F13A1: variants seen among roughly 807,000 people sequenced by gnomAD.
The protein encoded by F13A1 is FSF, A subunit.
A neutral mutation model predicts 80.1 loss-of-function variants in F13A1; 47 were observed. The ratio of observed to expected loss-of-function variants is 0.59; its 90% CI spans 0.46 to 0.75. F13A1 has a LOEUF of 0.75. Ranked by LOEUF, F13A1 falls within the 30% of genes least tolerant of loss-of-function variation. The probability of loss-of-function intolerance (pLI) is 0.00; values close to 1 mark genes in which losing one functional copy is unlikely to be tolerated. For synonymous variants in F13A1, 349 were observed against 344.9 expected (o/e 1.01, Z -0.13); for missense variants, 817 against 930.4 (o/e 0.88, Z 1.59).
rs1272979690 is a variant in F13A1 at position 6,316,105 on chromosome 6, A to G, written c.130+2430T>C. Among the ~76,000 whole-genome samples the G allele has an allele frequency of 2.8e-4, 11 of 39,692 alleles. 1 individual carries two copies. Among genetic ancestry groups the G allele is most frequent in the South Asian group, 1.6e-3 (2 of 1,216 alleles). 26.0% of individuals were successfully genotyped at this position (39,692 alleles called of 152,430 possible). ...TATATATATATATATATATATATAT[A>G]TATATATATATATATATATATATAT... On this transcript the variant is annotated intron_variant, in intron 2 of 14. Coordinates refer to ENST00000264870, the MANE Select transcript of F13A1 (RefSeq NM_000129.4).
Position 6,145,447 on chromosome 6 carries a change from G to A in F13A1, c.*172C>T. ...ACTAACTTCCTTGCCGAATAGCCTG[G>A]GTTTGGAAAAGCATGTTTTTGAAAT... On this transcript the variant is annotated 3_prime_UTR_variant, in exon 15 of 15. Coordinates refer to ENST00000264870, the MANE Select transcript of F13A1 (RefSeq NM_000129.4). 3.8e-6 allele frequency: 3 copies of A among 787,044 alleles called. No individual in the cohort carries two copies. The highest frequency in any genetic ancestry group is 4.3e-6 in the Non-Finnish European group (2 of 468,156). The allele number at this position is 787,044 out of a possible 1,614,324, so 48.8% of individuals were successfully genotyped here.
intron 8 of F13A1, among the ~76,000 whole-genome samples, chr6:6,208,820 A>G (rs1023585768): frequency 1.3e-5 from 2 of 152,112 alleles, no homozygotes; most frequent in African/African-American, 4.8e-5. Context: ...TACTTCATAC[A>G]TACATAAAAA....
chr6:6,240,933 G>T (rs1401498896), intron 6 of F13A1, among the ~76,000 whole-genome samples: 1 of 152,042 alleles, frequency 6.6e-6, no homozygotes, highest in Non-Finnish European at 1.5e-5. Context: ...TCTTTTTAGA[G>T]TTGGTAATTT....
At chr6:6,252,072 G>A (rs1423187013) in intron 4 of F13A1, among the ~76,000 whole-genome samples, 1 of 152,078 alleles carries the variant, frequency 6.6e-6, no homozygotes, top group African/African-American at 2.4e-5. Context: ...ATCCCACAGT[G>A]GTTAGAGAAA....
intron 3 of F13A1, among the ~76,000 whole-genome samples, chr6:6,269,503 A>T (rs1757891976): frequency 6.6e-6 from 1 of 152,098 alleles, no homozygotes; most frequent in Non-Finnish European, 1.5e-5. Flanking sequence ...AAAAAAGAAA[A>T]AAAAAAGGGT....
chr6:6,181,004 T>C (rs1157625597), intron 11 of F13A1, among the ~76,000 whole-genome samples: 1 of 152,240 alleles, frequency 6.6e-6, no homozygotes, highest in Non-Finnish European at 1.5e-5. Flanking sequence ...CAAAATATGT[T>C]GCATGTTCCC....
intron 8 of F13A1, among the ~76,000 whole-genome samples, chr6:6,201,519 A>T (rs1761393525): frequency 1.3e-5 from 2 of 152,126 alleles, no homozygotes; most frequent in Non-Finnish European, 2.9e-5. Flanking sequence ...AGCCATGGGG[A>T]TCTCTTTCAC....
intron 4 of F13A1, among the ~76,000 whole-genome samples, chr6:6,252,004 CAG>C (rs2113104015): frequency 6.6e-6 from 1 of 152,126 alleles, no homozygotes; most frequent in South Asian, 2.1e-4. Context: ...CTGAATCTGA[CAG>C]AGTCTGTAGA....
At chr6:6,239,996 A>G (rs562787501) in intron 6 of F13A1, among the ~76,000 whole-genome samples, 61 of 152,238 alleles carry the variant, frequency 4.0e-4, no homozygotes, top group Non-Finnish European at 6.6e-4. Flanking sequence ...CTCCTTTGCT[A>G]TCCATCTATC....
chr6:6,191,736 T>C (rs775532018), intron 10 of F13A1, among the ~76,000 whole-genome samples: 32 of 152,228 alleles, frequency 2.1e-4, no homozygotes, highest in Non-Finnish European at 4.4e-4. Context: ...GATAACCTTG[T>C]CTGCAGGCTC....
intron 8 of F13A1, among the ~76,000 whole-genome samples, chr6:6,205,873 C>CACGT: frequency 6.6e-6 from 1 of 152,118 alleles, no homozygotes. Flanking sequence ...TCACACAGAC[C>CACGT]ACGTTTGCCA....
intron 6 of F13A1, among the ~76,000 whole-genome samples, chr6:6,232,754 C>T (rs561304852): frequency 6.6e-6 from 1 of 152,178 alleles, no homozygotes; most frequent in South Asian, 2.1e-4. Flanking sequence ...ATCAAGCCAT[C>T]TCTCAGACCA....
intron 3 of F13A1, among the ~76,000 whole-genome samples, chr6:6,301,268 G>A (rs754309630): frequency 1.1e-4 from 16 of 152,182 alleles, no homozygotes; most frequent in Non-Finnish European, 2.4e-4. Flanking sequence ...TGAATGATGT[G>A]AGATGCAGAA....
intron 3 of F13A1, among the ~76,000 whole-genome samples, chr6:6,287,751 T>A (rs907666038): frequency 6.6e-6 from 1 of 152,224 alleles, no homozygotes; most frequent in Non-Finnish European, 1.5e-5. Context: ...CAATCCCACC[T>A]ACTTTGAGAT....
Position 6,298,465 on chromosome 6 carries a change from G to T in F13A1, c.319+6886C>A, listed in dbSNP as rs1314724473. 3.3e-5 allele frequency among the ~76,000 whole-genome samples: 5 copies of T among 149,974 alleles called. 1 individual carries two copies. Among genetic ancestry groups the T allele is most frequent in the African/African-American group, 1.3e-4 (5 of 39,378 alleles). Reference sequence around the variant, plus strand: ...GGTGCATATAAATTTAGGAGAGTTAGCTCTTCTTGTTGAATTGATCCCTTT... The same window carrying T: ...GGTGCATATAAATTTAGGAGAGTTATCTCTTCTTGTTGAATTGATCCCTTT... On this transcript the variant is annotated intron_variant, in intron 3 of 14. Transcript: ENST00000264870.
chr6:6,175,196 G>T (rs575328856), intron 11 of F13A1, among the ~76,000 whole-genome samples: 6 of 152,284 alleles, frequency 3.9e-5, no homozygotes, highest in African/African-American at 9.6e-5. Context: ...GTGTCAGTTT[G>T]CTTGCTTTTC....
intron 8 of F13A1, among the ~76,000 whole-genome samples, chr6:6,210,160 G>A (rs1432177508): frequency 1.3e-5 from 2 of 151,480 alleles, no homozygotes; most frequent in South Asian, 4.2e-4. Flanking sequence ...AGCCTGGGAG[G>A]TCAAGGCTGC....
At chr6:6,150,593 C>T (rs1384584462) in intron 14 of F13A1, among the ~76,000 whole-genome samples, 1 of 152,086 alleles carries the variant, frequency 6.6e-6, no homozygotes, top group African/African-American at 2.4e-5. Context: ...TGCATTTATC[C>T]CACAGATTCC....
At chr6:6,263,732 C>A (rs2113120198) in intron 4 of F13A1, among the ~76,000 whole-genome samples, 1 of 152,340 alleles carries the variant, frequency 6.6e-6, no homozygotes, top group African/African-American at 2.4e-5. Context: ...CCACAGTTTT[C>A]CCAGCTCTGA....
Sources: gnomAD v4.1 joint callset for allele counts (sites outside exome capture counted in the v4.1 genomes callset) on GRCh38, gnomAD v4.1.1 for gene constraint, MANE v1.5 for transcripts, NCBI Gene and HGNC (gene_info 2026-07-23, HGNC 2026-07-21) for gene names.